The following MDGA2 variants were observed in gnomAD, a reference collection of about 807,000 sequenced individuals.
MDGA2 encodes MAM domain containing glycosylphosphatidylinositol anchor 2, also known as MAM domain-containing glycosylphosphatidylinositol anchor protein 2.
MDGA2 carries 40 observed loss-of-function variants against 117.8 expected under a neutral mutation model. The observed-to-expected ratio is 0.34, with a 90% confidence interval of 0.26 to 0.44. The LOEUF is 0.44. MDGA2 is among the 20% of genes least tolerant of loss of function. The pLI, the probability that MDGA2 is intolerant of heterozygous loss-of-function variation, is 1.00. For missense variants in MDGA2, 1,123 were observed against 1,250.6 expected (o/e 0.90, Z 1.54); for synonymous variants, 452 against 439.0 (o/e 1.03, Z -0.37).
chr14:47,004,651 A>G (rs1387960606), intron 8 of MDGA2, among the ~76,000 whole-genome samples: 4 of 151,800 alleles, frequency 2.6e-5, no homozygotes, highest in Non-Finnish European at 5.9e-5. Flanking sequence ...TGTTTTGAAA[A>G]TATAGATTCA....
intron 8 of MDGA2, among the ~76,000 whole-genome samples, chr14:46,997,554 C>T (rs543755218): frequency 1.1e-4 from 17 of 152,138 alleles, no homozygotes; most frequent in Admixed American, 3.9e-4. Flanking sequence ...TACTAAGGCC[C>T]GTGGTTAAAG....
chr14:47,249,675 T>C (rs952062286), intron 2 of MDGA2, among the ~76,000 whole-genome samples: 4 of 152,184 alleles, frequency 2.6e-5, no homozygotes, highest in Admixed American at 6.5e-5. Flanking sequence ...TCAGAGTTTA[T>C]TGTTAAGACA....
intron 1 of MDGA2, among the ~76,000 whole-genome samples, chr14:47,482,892 G>T (rs1037067578): frequency 6.8e-6 from 1 of 146,084 alleles, no homozygotes; most frequent in Non-Finnish European, 1.5e-5. Context: ...AGGATCGGAT[G>T]GTGGAGTAAT....
chr14:46,926,074 AAT>A (rs1488486348), intron 9 of MDGA2, among the ~76,000 whole-genome samples: 1 of 152,212 alleles, frequency 6.6e-6, no homozygotes, highest in Non-Finnish European at 1.5e-5. Flanking sequence ...ATACAGGAAA[AAT>A]ATGTCAGTGC....
intron 8 of MDGA2, among the ~76,000 whole-genome samples, chr14:47,005,886 C>G (rs995697358): frequency 2.0e-5 from 3 of 151,404 alleles, no homozygotes. Flanking sequence ...TAAAACTATG[C>G]AAATCTATTG....
intron 1 of MDGA2, among the ~76,000 whole-genome samples, chr14:47,303,685 A>G (rs1309420442): frequency 6.6e-6 from 1 of 152,164 alleles, no homozygotes; most frequent in Non-Finnish European, 1.5e-5. Context: ...TAAATGTTCA[A>G]TAGAAAATAC....
At position 47,665,806 on chromosome 14, in the gene MDGA2, G is replaced by GC. The variant is rs1402277632; in HGVS notation, c.280+8710dup. On this transcript the variant is annotated intron_variant, in intron 1 of 16. Transcript: ENST00000399232. The stretch of plus-strand genomic sequence containing the variant: ...GGACTAGCAGCCCGCCCCCTCCCTC[G>GC]CCCCCCCTCCCCCCCGCCCCCGCCC... Among the ~76,000 whole-genome samples the GC allele has an allele frequency of 6.9e-3, 123 of 17,760 alleles. 2 individuals carry two copies. Among genetic ancestry groups the GC allele is most frequent in the African/African-American group, 0.025 (115 of 4,630 alleles). 11.7% of individuals were successfully genotyped at this position (17,760 alleles called of 152,430 possible). A position where few individuals can be genotyped will look rare whatever the true frequency, so the allele number is the denominator to read the frequency against.
chr14:47,104,381 T>C (rs1880517797), intron 5 of MDGA2, among the ~76,000 whole-genome samples: 1 of 150,208 alleles, frequency 6.7e-6, no homozygotes, highest in African/African-American at 2.5e-5. Context: ...TGACATTACC[T>C]TGTGAAAGTC....
chr14:46,846,193 T>C (rs560207142), intron 15 of MDGA2, among the ~76,000 whole-genome samples: 8 of 152,166 alleles, frequency 5.3e-5, no homozygotes, highest in Non-Finnish European at 1.2e-4. Context: ...AAATGTTTTA[T>C]TTGAAAAGTC....
intron 5 of MDGA2, among the ~76,000 whole-genome samples, chr14:47,112,775 T>A (rs1324994381): frequency 6.6e-6 from 1 of 152,190 alleles, no homozygotes; most frequent in East Asian, 1.9e-4. Context: ...GATTGCTGGG[T>A]CAAATGGTAT....
chr14:47,424,033 G>A (rs892439762), intron 1 of MDGA2, among the ~76,000 whole-genome samples: 6 of 151,972 alleles, frequency 3.9e-5, no homozygotes, highest in African/African-American at 1.4e-4. Flanking sequence ...GGCTGGTCTC[G>A]AACTTCTGAC....
intron 1 of MDGA2, among the ~76,000 whole-genome samples, chr14:47,450,204 G>T (rs906859555): frequency 6.6e-6 from 1 of 151,818 alleles, no homozygotes; most frequent in African/African-American, 2.4e-5. Context: ...TTCTTAAAAT[G>T]GGACTTAGCA....
chr14:47,088,021 A>C (rs966223639), intron 6 of MDGA2, among the ~76,000 whole-genome samples: 2 of 152,046 alleles, frequency 1.3e-5, no homozygotes, highest in Non-Finnish European at 2.9e-5. Flanking sequence ...TAAATGTTTT[A>C]ATAAAAGAAC....
intron 9 of MDGA2, among the ~76,000 whole-genome samples, chr14:46,950,918 G>C (rs1466450159): frequency 1.3e-5 from 2 of 151,536 alleles, no homozygotes; most frequent in African/African-American, 4.9e-5. Flanking sequence ...TTGATGTGGA[G>C]TCAAATCTGC....
intron 1 of MDGA2, among the ~76,000 whole-genome samples, chr14:47,392,495 CTA>C (rs1182339370): frequency 6.6e-6 from 1 of 152,058 alleles, no homozygotes; most frequent in Non-Finnish European, 1.5e-5. Context: ...CAAGAAAAAT[CTA>C]TGTTTATTCA....
At chr14:47,479,551 T>C (rs1447939493) in intron 1 of MDGA2, among the ~76,000 whole-genome samples, 2 of 152,148 alleles carry the variant, frequency 1.3e-5, no homozygotes, top group Admixed American at 6.5e-5. Context: ...CTTACATACT[T>C]TTAATGCTAT....
intron 4 of MDGA2, among the ~76,000 whole-genome samples, chr14:47,139,598 A>C (rs1882614754): frequency 6.6e-6 from 1 of 151,720 alleles, no homozygotes; most frequent in East Asian, 1.9e-4. Flanking sequence ...TATCAACCTA[A>C]GGAGATAAAT....
At chr14:47,138,899 T>C (rs1426241564) in intron 4 of MDGA2, among the ~76,000 whole-genome samples, 1 of 152,116 alleles carries the variant, frequency 6.6e-6, no homozygotes, top group Non-Finnish European at 1.5e-5. Context: ...TATGTGCTTA[T>C]GAATTCATAT....
intron 1 of MDGA2, among the ~76,000 whole-genome samples, chr14:47,518,337 A>T (rs1462978445): frequency 6.6e-6 from 1 of 152,220 alleles, no homozygotes; most frequent in African/African-American, 2.4e-5. Flanking sequence ...ATGCAATTTT[A>T]AAAATATCTA....
Sources: allele counts gnomAD v4.1 joint callset (sites outside exome capture counted in the v4.1 genomes callset), GRCh38; gene constraint gnomAD v4.1.1; transcripts MANE v1.5; gene names NCBI Gene and HGNC (gene_info 2026-07-23, HGNC 2026-07-21).